TRMT1: variants seen among roughly 807,000 people sequenced by gnomAD.
The protein encoded by TRMT1 is tRNA (guanine(26)-N(2))-dimethyltransferase.
A neutral mutation model predicts 75.4 loss-of-function variants in TRMT1; 63 were observed. That is an observed-to-expected ratio of 0.84 (90% CI 0.68 to 1.03). TRMT1 has a LOEUF of 1.03. Among genes scored for constraint, TRMT1 ranks in the 50% least tolerant of loss-of-function variants. TRMT1 has a pLI of 0.00. For missense variants in TRMT1, 870 were observed against 905.3 expected (o/e 0.96, Z 0.50); for synonymous variants, 382 against 358.1 (o/e 1.07, Z -0.75).
intron 14 of TRMT1, 21 bp downstream of exon 14, chr19:13,107,552 TC>T: frequency 6.3e-7 from 1 of 1,588,080 alleles, no homozygotes; most frequent in Middle Eastern, 1.7e-4. Context: ...CCCTGGCCGC[TC>T]CTGCATGTGC....
intron 12 of TRMT1, 38 bp downstream of exon 12, chr19:13,109,343 G>A (rs1958276688): frequency 6.2e-7 from 1 of 1,610,744 alleles, no homozygotes; most frequent in Admixed American, 1.7e-5. Context: ...CCACCCTGTG[G>A]TCTGGGACAG....
chr19:13,112,640 G>T, intron 7 of TRMT1, 65 bp downstream of exon 7: 2 of 1,493,704 alleles, frequency 1.3e-6, no homozygotes, highest in Non-Finnish European at 1.8e-6. Flanking sequence ...AAAGTGTATT[G>T]GGAAGGGACT....
intron 14 of TRMT1, among the ~76,000 whole-genome samples, chr19:13,107,212 G>A (rs570572724): frequency 5.3e-5 from 8 of 151,184 alleles, no homozygotes; most frequent in South Asian, 4.2e-4. Flanking sequence ...TAGACTCACC[G>A]CAACCTCTGC....
intron 14 of TRMT1, among the ~76,000 whole-genome samples, chr19:13,107,226 C>T (rs2018915904): frequency 6.6e-6 from 1 of 151,888 alleles, no homozygotes; most frequent in African/African-American, 2.4e-5. Flanking sequence ...CCTCTGCCTC[C>T]CAGGTTCAAG....
At chr19:13,107,911 G>A in intron 12 of TRMT1, 52 bp from the exon 13 acceptor site, 1 of 1,484,030 alleles carries the variant, frequency 6.7e-7, no homozygotes, top group Non-Finnish European at 9.2e-7. Context: ...TGACCCCAAA[G>A]CCCAAGCTGA....
chr19:13,114,259 C>A (rs1000109060), intron 5 of TRMT1, among the ~76,000 whole-genome samples: 1 of 152,182 alleles, frequency 6.6e-6, no homozygotes, highest in Non-Finnish European at 1.5e-5. Context: ...CAGTGGCTCA[C>A]GTCTGTAATC....
rs970963044 is a variant in TRMT1 at position 13,110,289 on chromosome 19, C to T, written c.888G>A (p.Leu296=). The T allele has an allele frequency of 2.5e-6, 4 of 1,605,226 alleles. No homozygotes were observed. Among genetic ancestry groups the T allele is most frequent in the Middle Eastern group, 1.8e-4 (1 of 5,630 alleles). Residue 296 remains leucine (L), a synonymous_variant, in exon 8 of 17, where the codon CTG becomes CTA. Coordinates refer to ENST00000357720, the MANE Select transcript of TRMT1 (RefSeq NM_001136035.4). The stretch of plus-strand genomic sequence containing the variant: ...AGTTGGCGCGGAGGTCCAGGCTGTG[C>T]AGGACGATTCTCAGGGCCTGGGGGT... ...ACHEMALRIV[L]HSLDLRANCY...
At chr19:13,110,540 C>T (rs182694598) in intron 7 of TRMT1, among the ~76,000 whole-genome samples, 12 of 152,358 alleles carry the variant, frequency 7.9e-5, no homozygotes, top group African/African-American at 2.4e-4. Flanking sequence ...GGGCACTAAA[C>T]GAGTGAGGAA....
intron 3 of TRMT1, 93 bp from the exon 4 acceptor site, chr19:13,115,861 G>T: frequency 6.2e-7 from 1 of 1,604,566 alleles, no homozygotes. Flanking sequence ...TGAAATCCCT[G>T]CGGAAAGGCT....
intron 8 of TRMT1, 72 bp from the exon 9 acceptor site, chr19:13,110,073 C>T: frequency 6.2e-7 from 1 of 1,610,594 alleles, no homozygotes; most frequent in Non-Finnish European, 8.5e-7. Context: ...TAGACTGGCT[C>T]TGTCCCTTAA....
rs761535530 is a variant in TRMT1, at chr19:13,105,445, C to A, written c.1703+42G>T. The A allele has an allele frequency of 6.2e-6, 10 of 1,613,932 alleles. 1 individual carries two copies. The South Asian group carries it at 1.1e-4, about 18-fold the overall frequency. On this transcript the variant is annotated intron_variant, in intron 15 of 16. Coordinates refer to ENST00000357720, the MANE Select transcript of TRMT1 (RefSeq NM_001136035.4). The stretch of plus-strand genomic sequence containing the variant: ...GGACCCCATCTGCCCTTTACCCCTT[C>A]TTTCCCTGGCTGAGCCCCACCCCCA...
At chr19:13,115,520 G>C (rs1365743373) in intron 4 of TRMT1, 54 bp from the exon 5 acceptor site, 3 of 1,597,976 alleles carry the variant, frequency 1.9e-6, no homozygotes, top group Non-Finnish European at 2.6e-6. Flanking sequence ...TCCTCTTCTG[G>C]GCCCCAAGGA....
chr19:13,110,527 T>C (rs1173463889), intron 7 of TRMT1, among the ~76,000 whole-genome samples: 1 of 152,238 alleles, frequency 6.6e-6, no homozygotes, highest in Non-Finnish European at 1.5e-5. Context: ...GTGGCACTGC[T>C]GGGGGCACTA....
chr19:13,115,243 T>C (rs1247625088), intron 5 of TRMT1, 36 bp downstream of exon 5: 4 of 1,572,328 alleles, frequency 2.5e-6, no homozygotes, highest in Non-Finnish European at 3.5e-6. Flanking sequence ...CCAGGCAGGC[T>C]TGTCCCAGAG....
At chr19:13,111,065 G>T (rs1464974755) in intron 7 of TRMT1, among the ~76,000 whole-genome samples, 1 of 152,198 alleles carries the variant, frequency 6.6e-6, no homozygotes, top group Non-Finnish European at 1.5e-5. Flanking sequence ...TTAGGAACAA[G>T]GGCAAGAGCC....
chr19:13,108,970 G>A (rs966019275), intron 12 of TRMT1, among the ~76,000 whole-genome samples: 2 of 146,110 alleles, frequency 1.4e-5, no homozygotes, highest in Admixed American at 6.9e-5. Context: ...CACCCAGGCT[G>A]GAGTGGCATG....
chr19:13,116,644 C>G lies in TRMT1; in HGVS notation c.-33+9G>C, dbSNP rs1251242450. 5 of 561,864 alleles carry G rather than the reference C, an allele frequency of 8.9e-6. No individual in the cohort carries two copies. The highest frequency in any genetic ancestry group is 4.8e-4 in the Middle Eastern group (1 of 2,102). 34.8% of individuals were successfully genotyped at this position (561,864 alleles called of 1,614,324 possible). A position where few individuals can be genotyped will look rare whatever the true frequency, so the allele number is the denominator to read the frequency against. On this transcript the variant is annotated intron_variant, in intron 1 of 16. Coordinates refer to ENST00000357720, the MANE Select transcript of TRMT1 (RefSeq NM_001136035.4). ...GAATCCCTCCCCGCGCTGCCTAGCC[C>G]GTCCTCACCTGCTCTCGTAGCCACA...
At chr19:13,110,113 T>C in intron 8 of TRMT1, 45 bp downstream of exon 8, 2 of 1,609,580 alleles carry the variant, frequency 1.2e-6, no homozygotes, top group East Asian at 2.2e-5. Flanking sequence ...GGCAAGGTCC[T>C]GTCTCCTCTC....
chr19:13,105,702 A>G, intron 14 of TRMT1, 96 bp from the exon 15 acceptor site: 1 of 1,215,242 alleles, frequency 8.2e-7, no homozygotes, highest in Non-Finnish European at 1.2e-6. Flanking sequence ...ACAACACAGC[A>G]CGAGGTGTCT....
Sources: allele counts gnomAD v4.1 joint callset (sites outside exome capture counted in the v4.1 genomes callset), GRCh38; gene constraint gnomAD v4.1.1; transcripts MANE v1.5; gene names NCBI Gene and HGNC (gene_info 2026-07-23, HGNC 2026-07-21).